The following GPC5 variants were observed in gnomAD, a reference collection of about 807,000 sequenced individuals.
GPC5 encodes glypican-5.
GPC5 carries 47 observed loss-of-function variants against 53.9 expected under a neutral mutation model. The ratio of observed to expected loss-of-function variants is 0.87; its 90% CI spans 0.69 to 1.11. The LOEUF (loss-of-function observed/expected upper bound fraction) is 1.11. Among genes scored for constraint, GPC5 ranks in the 50% most tolerant of loss-of-function variants. The pLI, the probability that GPC5 is intolerant of heterozygous loss-of-function variation, is 0.00. For synonymous variants in GPC5, 286 were observed against 263.3 expected (o/e 1.09, Z -0.84); for missense variants, 748 against 713.1 (o/e 1.05, Z -0.56).
intron 2 of GPC5, among the ~76,000 whole-genome samples, chr13:91,648,906 A>T (rs59594682): frequency 0.065 from 9,869 of 152,086 alleles, 1,079 homozygotes; most frequent in African/African-American, 0.22. Context: ...TGAATATGGG[A>T]TGGCTGTGTC....
At chr13:91,926,093 T>C (rs2039764634) in intron 6 of GPC5, among the ~76,000 whole-genome samples, 1 of 152,150 alleles carries the variant, frequency 6.6e-6, no homozygotes, top group South Asian at 2.1e-4. Flanking sequence ...CCGGGTGCAG[T>C]GGCTCACACC....
At chr13:92,477,492 A>G (rs1239976332) in intron 7 of GPC5, among the ~76,000 whole-genome samples, 1 of 152,132 alleles carries the variant, frequency 6.6e-6, no homozygotes, top group Non-Finnish European at 1.5e-5. Context: ...TCTGAGGGCT[A>G]TGCTTTCTTC....
At chr13:91,833,208 C>T (rs1444213846) in intron 5 of GPC5, among the ~76,000 whole-genome samples, 4 of 151,968 alleles carry the variant, frequency 2.6e-5, no homozygotes, top group Non-Finnish European at 4.4e-5. Flanking sequence ...AAGTCAAATC[C>T]CTGAATAGAC....
At chr13:91,640,798 G>GAAA (rs528053266) in intron 2 of GPC5, among the ~76,000 whole-genome samples, 1 of 132,398 alleles carries the variant, frequency 7.6e-6, no homozygotes. Context: ...GACTCCTCAG[G>GAAA]AAAAAAAAAA....
chr13:91,787,896 TATG>T (rs1384727742), intron 5 of GPC5, among the ~76,000 whole-genome samples: 1 of 152,210 alleles, frequency 6.6e-6, no homozygotes, highest in Non-Finnish European at 1.5e-5. Context: ...ACATGTATAA[TATG>T]ATCCCCTTTA....
At chr13:92,596,927 A>G (rs187920880) in intron 7 of GPC5, among the ~76,000 whole-genome samples, 278 of 152,296 alleles carry the variant, frequency 1.8e-3, no homozygotes, top group Non-Finnish European at 3.4e-3. Context: ...TTTCTACCTT[A>G]TTTGGCAAGA....
At chr13:92,417,164 G>A (rs1057057358) in intron 7 of GPC5, among the ~76,000 whole-genome samples, 9 of 152,084 alleles carry the variant, frequency 5.9e-5, no homozygotes, top group African/African-American at 1.9e-4. Flanking sequence ...ATTAAGTTGG[G>A]GACCATCTGC....
intron 6 of GPC5, among the ~76,000 whole-genome samples, chr13:92,076,362 C>T (rs1048311729): frequency 2.0e-5 from 3 of 152,194 alleles, no homozygotes; most frequent in East Asian, 1.9e-4. Context: ...TGAGCCACCG[C>T]GCCTGGCGAA....
intron 7 of GPC5, among the ~76,000 whole-genome samples, chr13:92,197,434 T>C (rs1359744269): frequency 6.6e-6 from 1 of 152,202 alleles, no homozygotes; most frequent in Non-Finnish European, 1.5e-5. Context: ...CTGGAAAATA[T>C]GATTTATATA....
At chr13:91,439,686 T>C (rs1182855762) in intron 1 of GPC5, among the ~76,000 whole-genome samples, 2 of 152,190 alleles carry the variant, frequency 1.3e-5, no homozygotes, top group Non-Finnish European at 2.9e-5. Flanking sequence ...AATCTAAGGA[T>C]TATCCTTGAT....
At chr13:91,431,376 T>C (rs1460089326) in intron 1 of GPC5, among the ~76,000 whole-genome samples, 1 of 152,226 alleles carries the variant, frequency 6.6e-6, no homozygotes, top group Non-Finnish European at 1.5e-5. Flanking sequence ...TTCTGTATAA[T>C]GTGTCGATCA....
At position 92,097,192 on chromosome 13, in the gene GPC5, C is replaced by A. The variant is rs143826555; in HGVS notation, c.1402-47638C>A. Among the ~76,000 whole-genome samples, 182 of 152,200 alleles carry A rather than the reference C, an allele frequency of 1.2e-3. 5 individuals are homozygous for A. The East Asian group carries it at 0.03, about 25-fold the overall frequency. ...GCAGAAAGTTTAGCAGAATTGTTAT[C>A]CACTGTTATGCGGAAAGGAGAACAC... On this transcript the variant is annotated intron_variant, in intron 6 of 7. Coordinates refer to ENST00000377067, the MANE Select transcript of GPC5 (RefSeq NM_004466.6).
chr13:92,505,834 A>C (rs1433786351), intron 7 of GPC5, among the ~76,000 whole-genome samples: 1 of 152,148 alleles, frequency 6.6e-6, no homozygotes, highest in East Asian at 1.9e-4. Context: ...CGAAGGCTTT[A>C]ATCTGAGTGA....
At chr13:91,612,962 C>A (rs1202714334) in intron 2 of GPC5, among the ~76,000 whole-genome samples, 2 of 152,136 alleles carry the variant, frequency 1.3e-5, no homozygotes, top group Non-Finnish European at 1.5e-5. Context: ...ACACATTAGG[C>A]TATGGATTCA....
At chr13:91,884,301 T>C (rs1436511255) in intron 5 of GPC5, among the ~76,000 whole-genome samples, 3 of 152,172 alleles carry the variant, frequency 2.0e-5, no homozygotes, top group African/African-American at 7.2e-5. Flanking sequence ...CATGCATGCC[T>C]ATGTTTATTG....
At chr13:92,860,288 A>G (rs1336149234) in intron 7 of GPC5, among the ~76,000 whole-genome samples, 3 of 152,172 alleles carry the variant, frequency 2.0e-5, no homozygotes, top group Non-Finnish European at 4.4e-5. Context: ...TTTCATGAAG[A>G]CAGTTGCATT....
chr13:92,369,516 G>T (rs1380514439), intron 7 of GPC5, among the ~76,000 whole-genome samples: 1 of 152,096 alleles, frequency 6.6e-6, no homozygotes, highest in African/African-American at 2.4e-5. Flanking sequence ...TTTTCTCTTT[G>T]GTATTAAATA....
intron 6 of GPC5, among the ~76,000 whole-genome samples, chr13:92,024,268 TC>T (rs1264185314): frequency 2.6e-5 from 4 of 152,182 alleles, no homozygotes. Context: ...TTATATATTT[TC>T]AGTTTTTAAA....
chr13:91,731,787 T>C (rs997543572), intron 4 of GPC5, among the ~76,000 whole-genome samples: 1 of 152,180 alleles, frequency 6.6e-6, no homozygotes, highest in Admixed American at 6.5e-5. Flanking sequence ...CGGTGTTTGG[T>C]TTTCTGTTCC....
Sources: gnomAD v4.1 joint callset for allele counts (sites outside exome capture counted in the v4.1 genomes callset) on GRCh38, gnomAD v4.1.1 for gene constraint, MANE v1.5 for transcripts, NCBI Gene and HGNC (gene_info 2026-07-23, HGNC 2026-07-21) for gene names.